The following NECTIN3 variants were observed in gnomAD, a reference collection of about 807,000 sequenced individuals.
NECTIN3 encodes the protein nectin-3.
In NECTIN3, 8 loss-of-function variants were observed where a neutral mutation model predicts 49.4. That is an observed-to-expected ratio of 0.16 (90% CI 0.10 to 0.29). The LOEUF (loss-of-function observed/expected upper bound fraction) is 0.29. NECTIN3 is among the 10% of genes least tolerant of loss of function. The pLI, the probability that NECTIN3 is intolerant of heterozygous loss-of-function variation, is 1.00. For synonymous variants in NECTIN3, 277 were observed against 241.1 expected, an observed-to-expected ratio of 1.15 and a Z score of -1.38; for missense variants, 581 against 654.6, an observed-to-expected ratio of 0.89 and a Z score of 1.23.
intron 1 of NECTIN3, among the ~76,000 whole-genome samples, chr3:111,088,017 C>T (rs746260402): frequency 3.9e-5 from 6 of 152,066 alleles, no homozygotes; most frequent in African/African-American, 1.2e-4. Flanking sequence ...TTTTTCTCAG[C>T]TTAGGGAGGT....
chr3:111,117,701 G>GAA (rs567398272), intron 2 of NECTIN3, among the ~76,000 whole-genome samples: 6 of 147,366 alleles, frequency 4.1e-5, no homozygotes, highest in Non-Finnish European at 6.0e-5. Context: ...TCCTGGAAAT[G>GAA]AAAAAAAAAA....
chr3:111,159,425 A>G (rs934184212), intron 7 of NECTIN3, among the ~76,000 whole-genome samples: 1 of 152,098 alleles, frequency 6.6e-6, no homozygotes, highest in Non-Finnish European at 1.5e-5. Flanking sequence ...CTTAATGGTA[A>G]TTTTCCGTAA....
chr3:111,113,836 T>G (rs1489263570), intron 2 of NECTIN3, among the ~76,000 whole-genome samples: 1 of 151,892 alleles, frequency 6.6e-6, no homozygotes, highest in African/African-American at 2.4e-5. Context: ...ATACAAAAAT[T>G]AGCCAGGCAT....
At chr3:111,157,717 T>A (rs1240996016) in intron 7 of NECTIN3, among the ~76,000 whole-genome samples, 2 of 152,088 alleles carry the variant, frequency 1.3e-5, no homozygotes, top group Admixed American at 1.3e-4. Flanking sequence ...TTGTAGGTTA[T>A]AGGAAGCATT....
intron 2 of NECTIN3, 62 bp downstream of exon 2, chr3:111,112,433 T>C (rs2033512997): frequency 9.7e-7 from 1 of 1,030,834 alleles, no homozygotes; most frequent in South Asian, 2.3e-5. Flanking sequence ...AAAATATTTT[T>C]AAGAAATTAA....
rs1043193328 is a variant in NECTIN3 at position 111,136,480 on chromosome 3, G to C, written c.*2265G>C. ...AAACTAAAAGGTTTCTGTGTTGTAAGAATCTGATACTAGTGCTTAAGACTT... is the reference window on the plus strand; with the variant it reads ...AAACTAAAAGGTTTCTGTGTTGTAACAATCTGATACTAGTGCTTAAGACTT... On this transcript the variant is annotated 3_prime_UTR_variant, in exon 6 of 6. Transcript: ENST00000485303. 1 of 983,770 alleles carries C rather than the reference G, an allele frequency of 1.0e-6. No individual in the cohort carries two copies. Among genetic ancestry groups the C allele is most frequent in the African/African-American group, 1.7e-5 (1 of 57,228 alleles). The allele number at this position is 983,770 out of a possible 1,614,324, so 60.9% of individuals were successfully genotyped here. A position where few individuals can be genotyped will look rare whatever the true frequency, so the allele number is the denominator to read the frequency against.
At chr3:111,107,892 A>G (rs1262824027) in intron 1 of NECTIN3, among the ~76,000 whole-genome samples, 2 of 152,162 alleles carry the variant, frequency 1.3e-5, no homozygotes, top group African/African-American at 4.8e-5. Flanking sequence ...AGATTCTTTT[A>G]TTTGCAACAA....
intron 4 of NECTIN3, among the ~76,000 whole-genome samples, chr3:111,124,861 T>G (rs2034096063): frequency 6.6e-6 from 1 of 152,138 alleles, no homozygotes; most frequent in Non-Finnish European, 1.5e-5. Context: ...TTTTATTTAC[T>G]TCTGTATCTC....
chr3:111,073,372 G>A (rs2030940298), intron 1 of NECTIN3: 1 of 152,284 alleles, frequency 6.6e-6, no homozygotes, highest in African/African-American at 2.4e-5. Flanking sequence ...TTGGTTATGA[G>A]GGAAGCAAAG....
intron 7 of NECTIN3, among the ~76,000 whole-genome samples, chr3:111,176,277 C>T (rs1034912921): frequency 6.6e-6 from 1 of 152,208 alleles, no homozygotes; most frequent in Non-Finnish European, 1.5e-5. Flanking sequence ...TTTTATTAAT[C>T]ATGCAACCTA....
chr3:111,185,854 T>C (rs905512678), intron 7 of NECTIN3, among the ~76,000 whole-genome samples: 3 of 152,124 alleles, frequency 2.0e-5, no homozygotes, highest in African/African-American at 4.8e-5. Context: ...AACAGTGGAA[T>C]TGGGAGAATA....
intron 6 of NECTIN3, among the ~76,000 whole-genome samples, chr3:111,145,538 G>T (rs1292995386): frequency 6.6e-6 from 1 of 152,000 alleles, no homozygotes; most frequent in African/African-American, 2.4e-5. Flanking sequence ...CTTATTTAAA[G>T]AATAAGCAAT....
At position 111,072,130 on chromosome 3, in the gene NECTIN3, C is replaced by A; in HGVS notation, c.113C>A (p.Pro38Gln). Residue 38 changes from proline to glutamine, a missense_variant, in exon 1 of 6, where the codon CCG becomes CAG. Physicochemically the swap from Pro to Gln is moderately conservative, Grantham distance 76 (BLOSUM62 -1). Coordinates refer to ENST00000485303, the MANE Select transcript of NECTIN3 (RefSeq NM_015480.3). ...GLLLQPPTPP[P>Q]LLLLLFPLLL... ...CTGCTGCAGCCCCCGACGCCACCTCCGCTGCTGCTGCTGCTCTTCCCGCTG... is the reference window on the plus strand; with the variant it reads ...CTGCTGCAGCCCCCGACGCCACCTCAGCTGCTGCTGCTGCTCTTCCCGCTG... The A allele has an allele frequency of 1.9e-6, 3 of 1,549,930 alleles. No homozygotes were observed. The highest frequency in any genetic ancestry group is 1.4e-5 in the African/African-American group (1 of 72,946).
intron 1 of NECTIN3, among the ~76,000 whole-genome samples, chr3:111,088,135 A>C (rs2032041490): frequency 6.6e-6 from 1 of 152,114 alleles, no homozygotes; most frequent in South Asian, 2.1e-4. Context: ...AGATCCCCTC[A>C]TGAATAGAGT....
intron 7 of NECTIN3, among the ~76,000 whole-genome samples, chr3:111,149,501 G>GTGTT (rs1559809061): frequency 1.4e-5 from 2 of 142,666 alleles, no homozygotes; most frequent in African/African-American, 5.6e-5. Flanking sequence ...GTGTGTGTGT[G>GTGTT]TGTGTGTAGA....
chr3:111,172,042 A>G (rs1269529659), intron 7 of NECTIN3, among the ~76,000 whole-genome samples: 1 of 152,210 alleles, frequency 6.6e-6, no homozygotes, highest in East Asian at 1.9e-4. Context: ...GTACTGTCAC[A>G]ACTCCTTTTT....
intron 2 of NECTIN3, among the ~76,000 whole-genome samples, chr3:111,113,651 GGCAT>G (rs1183224191): frequency 6.6e-6 from 1 of 152,100 alleles, no homozygotes; most frequent in Non-Finnish European, 1.5e-5. Flanking sequence ...TAGAAGGCAA[GGCAT>G]GAATATCTGA....
At chr3:111,096,506 A>G (rs1559774646) in intron 1 of NECTIN3, among the ~76,000 whole-genome samples, 1 of 152,226 alleles carries the variant, frequency 6.6e-6, no homozygotes, top group Non-Finnish European at 1.5e-5. Context: ...AATCATCAAG[A>G]CAATGGGGAA....
upstream of NECTIN3, among the ~76,000 whole-genome samples, chr3:111,191,871 G>T (rs558796503): frequency 1.3e-5 from 2 of 152,112 alleles, no homozygotes; most frequent in Non-Finnish European, 2.9e-5. Flanking sequence ...TTGCTCTGTA[G>T]CCCAGGCTAG....
Sources: allele counts gnomAD v4.1 joint callset (sites outside exome capture counted in the v4.1 genomes callset), GRCh38; gene constraint gnomAD v4.1.1; transcripts MANE v1.5; gene names NCBI Gene and HGNC (gene_info 2026-07-23, HGNC 2026-07-21).